The following NEGR1 variants were observed in gnomAD, a reference collection of about 807,000 sequenced individuals.
NEGR1 encodes neuronal growth regulator 1, also known as IgLON family member 4.
NEGR1 carries 10 observed loss-of-function variants against 40.9 expected under a neutral mutation model. The observed-to-expected ratio is 0.24, with a 90% CI of 0.15 to 0.42. NEGR1 has a LOEUF of 0.42. Among genes scored for constraint, NEGR1 ranks in the 10% least tolerant of loss-of-function variants. The probability of loss-of-function intolerance (pLI) is 1.00; values close to 1 mark genes in which losing one functional copy is unlikely to be tolerated. For synonymous variants in NEGR1, 185 were observed against 166.8 expected (o/e 1.11, Z -0.84); for missense variants, 352 against 438.9 (o/e 0.80, Z 1.77).
intron 1 of NEGR1, among the ~76,000 whole-genome samples, chr1:72,159,355 GACCC>G (rs1651473481): frequency 6.6e-6 from 1 of 152,030 alleles, no homozygotes; most frequent in Admixed American, 6.6e-5. Context: ...TTAAACACAA[GACCC>G]TGAATATCAC....
chr1:71,734,295 A>AAAG (rs1221285956), intron 3 of NEGR1, among the ~76,000 whole-genome samples: 13 of 152,122 alleles, frequency 8.5e-5, no homozygotes, highest in African/African-American at 3.1e-4. Flanking sequence ...TTCTATCTTT[A>AAAG]TCCCTCCCTA....
intron 1 of NEGR1, among the ~76,000 whole-genome samples, chr1:71,967,918 A>C (rs961344356): frequency 6.6e-6 from 1 of 152,208 alleles, no homozygotes; most frequent in African/African-American, 2.4e-5. Context: ...TCTTTTACTC[A>C]AAGATTCTGG....
intron 1 of NEGR1, among the ~76,000 whole-genome samples, chr1:72,103,076 C>T (rs1414571151): frequency 6.6e-6 from 1 of 151,920 alleles, no homozygotes. Context: ...TTTTATTTAT[C>T]TTTTGTCTTC....
At chr1:71,494,689 G>T (rs750869488) in intron 6 of NEGR1, among the ~76,000 whole-genome samples, 2 of 152,116 alleles carry the variant, frequency 1.3e-5, no homozygotes, top group Non-Finnish European at 2.9e-5. Context: ...TCTGAAGTGA[G>T]GACCGTCTTG....
chr1:71,702,570 T>G (rs1653732568), intron 3 of NEGR1, among the ~76,000 whole-genome samples: 1 of 152,004 alleles, frequency 6.6e-6, no homozygotes, highest in African/African-American at 2.4e-5. Flanking sequence ...TAAAAAGTAT[T>G]AGAATATTTT....
At chr1:71,756,556 T>A (rs1655749456) in intron 3 of NEGR1, among the ~76,000 whole-genome samples, 1 of 152,090 alleles carries the variant, frequency 6.6e-6, no homozygotes, top group Non-Finnish European at 1.5e-5. Flanking sequence ...AGAATATACT[T>A]CCATGAAATA....
At chr1:71,795,630 C>A (rs1657295819) in intron 2 of NEGR1, among the ~76,000 whole-genome samples, 1 of 152,044 alleles carries the variant, frequency 6.6e-6, no homozygotes, top group Non-Finnish European at 1.5e-5. Flanking sequence ...GAACAAATCC[C>A]AATTGACCGT....
chr1:72,099,246 T>C (rs1232195908), intron 1 of NEGR1, among the ~76,000 whole-genome samples: 2 of 151,992 alleles, frequency 1.3e-5, no homozygotes, highest in African/African-American at 4.8e-5. Context: ...ATTTTAAAAT[T>C]CCTTGGTTAT....
At chr1:71,677,164 T>G (rs536848929) in intron 4 of NEGR1, among the ~76,000 whole-genome samples, 1 of 152,312 alleles carries the variant, frequency 6.6e-6, no homozygotes, top group African/African-American at 2.4e-5. Context: ...ATAATGATGG[T>G]CATTATTCTG....
chr1:72,122,606 A>G (rs554979667), intron 1 of NEGR1, among the ~76,000 whole-genome samples: 2 of 151,918 alleles, frequency 1.3e-5, no homozygotes, highest in South Asian at 4.1e-4. Flanking sequence ...TATTACATAA[A>G]TAAGGGATTC....
At chr1:71,772,257 A>T (rs1413652408) in intron 3 of NEGR1, among the ~76,000 whole-genome samples, 3 of 152,168 alleles carry the variant, frequency 2.0e-5, no homozygotes, top group Non-Finnish European at 4.4e-5. Flanking sequence ...TACAAAAATT[A>T]GCTGGGTGTG....
intron 1 of NEGR1, among the ~76,000 whole-genome samples, chr1:71,959,785 C>T (rs1036016832): frequency 6.6e-6 from 1 of 151,892 alleles, no homozygotes; most frequent in African/African-American, 2.4e-5. Flanking sequence ...GTTAAATTTC[C>T]TAATTATATT....
Position 71,401,583 on chromosome 1 carries a change from CACAA to C in NEGR1, c.*5859_*5862del, listed in dbSNP as rs752542419. The C allele has an allele frequency of 6.6e-6, 1 of 152,170 alleles. No individual in the cohort carries two copies. The highest frequency in any genetic ancestry group is 2.4e-5 in the African/African-American group (1 of 41,452). 9.4% of individuals were successfully genotyped at this position (152,170 alleles called of 1,614,324 possible). A position where few individuals can be genotyped will look rare whatever the true frequency, so the allele number is the denominator to read the frequency against. ...TCTTTCTCTTGTTCTACTGTCCCAG[CACAA>C]ACAGATGTTCATGTTAGTATTTCAA... is the stretch of plus-strand genomic sequence containing the variant. On this transcript the variant is annotated 3_prime_UTR_variant, in exon 7 of 7. Coordinates refer to ENST00000357731, the MANE Select transcript of NEGR1 (RefSeq NM_173808.3).
chr1:71,678,717 C>T (rs985199614), intron 4 of NEGR1, among the ~76,000 whole-genome samples: 6 of 152,002 alleles, frequency 3.9e-5, no homozygotes, highest in African/African-American at 1.5e-4. Context: ...GGTTACTAGG[C>T]ACAGTATTGA....
At chr1:71,872,891 C>T (rs1660318535) in intron 2 of NEGR1, among the ~76,000 whole-genome samples, 1 of 151,962 alleles carries the variant, frequency 6.6e-6, no homozygotes, top group Admixed American at 6.6e-5. Context: ...CATTGTTGTT[C>T]TCTCTCTTTT....
At chr1:72,162,946 T>C (rs1406383217) in intron 1 of NEGR1, among the ~76,000 whole-genome samples, 1 of 152,142 alleles carries the variant, frequency 6.6e-6, no homozygotes. Flanking sequence ...TACAGTTTCG[T>C]TATAAGGTAG....
chr1:71,766,894 C>T (rs1656152351), intron 3 of NEGR1, among the ~76,000 whole-genome samples: 1 of 152,164 alleles, frequency 6.6e-6, no homozygotes, highest in Non-Finnish European at 1.5e-5. Context: ...CTTGCTCTTG[C>T]TTTGTCCTTG....
At chr1:71,575,936 TCTG>T (rs1648953183) in intron 6 of NEGR1, among the ~76,000 whole-genome samples, 1 of 152,232 alleles carries the variant, frequency 6.6e-6, no homozygotes, top group Non-Finnish European at 1.5e-5. Flanking sequence ...ACGAGCCTTG[TCTG>T]CTATTACAGA....
chr1:71,790,396 C>T (rs1657072458), intron 2 of NEGR1, among the ~76,000 whole-genome samples: 1 of 152,126 alleles, frequency 6.6e-6, no homozygotes, highest in South Asian at 2.1e-4. Flanking sequence ...TGTTCAGTTT[C>T]AGTCGTTACA....
Sources: gnomAD v4.1 joint callset for allele counts (sites outside exome capture counted in the v4.1 genomes callset) on GRCh38, gnomAD v4.1.1 for gene constraint, MANE v1.5 for transcripts, NCBI Gene and HGNC (gene_info 2026-07-23, HGNC 2026-07-21) for gene names.